Variants in MEF2C observed in about 807,000 individuals in gnomAD.
MEF2C encodes the protein myocyte-specific enhancer factor 2C.
Under a neutral mutation model 50.5 loss-of-function variants are expected in MEF2C, and 6 were observed. The ratio of observed to expected loss-of-function variants is 0.12; its 90% CI spans 0.07 to 0.23. The LOEUF (loss-of-function observed/expected upper bound fraction) is 0.23, where lower values mean the gene tolerates loss of function less well. Among genes scored for constraint, MEF2C ranks in the 10% least tolerant of loss-of-function variants. MEF2C has a pLI of 1.00. For synonymous variants in MEF2C, 183 were observed against 228.0 expected (o/e 0.80, Z 1.78); for missense variants, 276 against 605.0 (o/e 0.46, Z 5.70).
At chr5:88,746,714 C>T (rs1769860581) in intron 6 of MEF2C, 2 of 984,792 alleles carry the variant, frequency 2.0e-6, no homozygotes, top group African/African-American at 1.7e-5. Context: ...TATATTCAGC[C>T]TGACATATGA....
At chr5:88,760,880 T>C in intron 4 of MEF2C, 2 of 1,241,914 alleles carry the variant, frequency 1.6e-6, no homozygotes, top group South Asian at 1.6e-5. Context: ...GATGGCTATT[T>C]ATCTGTTTGA....
intron 2 of MEF2C, among the ~76,000 whole-genome samples, chr5:88,815,088 T>A (rs929156467): frequency 6.6e-6 from 1 of 152,126 alleles, no homozygotes; most frequent in African/African-American, 2.4e-5. Context: ...TTTCTCTGTA[T>A]CTCATCTACA....
At chr5:88,805,344 G>A (rs1260838439) in intron 2 of MEF2C, among the ~76,000 whole-genome samples, 1 of 152,176 alleles carries the variant, frequency 6.6e-6, no homozygotes, top group South Asian at 2.1e-4. Context: ...TGGGAAGTCC[G>A]TTAGCCATCA....
At chr5:88,843,221 T>G (rs1818000180) in intron 1 of MEF2C, 1 of 656,466 alleles carries the variant, frequency 1.5e-6, no homozygotes, top group South Asian at 6.8e-5. Context: ...TTTTTTTTTT[T>G]TTAATTCTAT....
chr5:88,734,178 G>T, intron 6 of MEF2C: 1 of 985,056 alleles, frequency 1.0e-6, no homozygotes. Flanking sequence ...GATTCTACGG[G>T]ATAAAAAGAG....
intron 3 of MEF2C, chr5:88,772,143 C>T (rs1440521920): frequency 1.3e-5 from 2 of 152,224 alleles, no homozygotes; most frequent in East Asian, 3.8e-4. Context: ...CAGTTGGGAT[C>T]TCCAGTTTAT....
chr5:88,825,085 C>T (rs551515913), intron 1 of MEF2C, among the ~76,000 whole-genome samples: 6 of 151,962 alleles, frequency 3.9e-5, no homozygotes, highest in South Asian at 2.1e-4. Flanking sequence ...TGTCTGACAA[C>T]GGACCTGATA....
intron 2 of MEF2C, among the ~76,000 whole-genome samples, chr5:88,806,546 C>T (rs930744251): frequency 2.0e-5 from 3 of 152,156 alleles, no homozygotes; most frequent in Non-Finnish European, 4.4e-5. Context: ...CACCCTCCCC[C>T]ACAACTAAAT....
At chr5:88,769,235 C>T (rs747976228) in intron 3 of MEF2C, among the ~76,000 whole-genome samples, 10 of 152,202 alleles carry the variant, frequency 6.6e-5, no homozygotes, top group Non-Finnish European at 1.2e-4. Flanking sequence ...GGGCAAAGTT[C>T]ATCATTTTCC....
intron 1 of MEF2C, among the ~76,000 whole-genome samples, chr5:88,830,635 T>G (rs1490341372): frequency 6.6e-6 from 1 of 152,086 alleles, no homozygotes; most frequent in African/African-American, 2.4e-5. Context: ...GTGAAGAACC[T>G]TGTGCTATCC....
chr5:88,893,170 A>G (rs933550508), intron 1 of MEF2C, among the ~76,000 whole-genome samples: 3 of 152,240 alleles, frequency 2.0e-5, no homozygotes, highest in Admixed American at 6.5e-5. Context: ...GTCAATAAAA[A>G]TTTTATATCT....
intron 2 of MEF2C, among the ~76,000 whole-genome samples, chr5:88,816,326 G>T (rs1399713257): frequency 3.9e-5 from 6 of 151,998 alleles, no homozygotes; most frequent in Non-Finnish European, 8.8e-5. Flanking sequence ...AGTAATATGT[G>T]TGGCACACTG....
At chr5:88,738,117 C>A in intron 6 of MEF2C, 1 of 985,306 alleles carries the variant, frequency 1.0e-6, no homozygotes, top group Non-Finnish European at 1.2e-6. Flanking sequence ...AATCTAGGTT[C>A]TACTCAAAAT....
chr5:88,742,028 T>C, intron 6 of MEF2C: 1 of 985,368 alleles, frequency 1.0e-6, no homozygotes, highest in African/African-American at 1.7e-5. Context: ...TGAAACATAC[T>C]ATGTAAGTGT....
At chr5:88,804,270 C>T (rs1799471009) in intron 3 of MEF2C, among the ~76,000 whole-genome samples, 1 of 152,126 alleles carries the variant, frequency 6.6e-6, no homozygotes, top group South Asian at 2.1e-4. Context: ...ATGAGCTATT[C>T]CCTGGCAAGA....
chr5:88,831,596 G>A (rs1323271240), intron 1 of MEF2C, among the ~76,000 whole-genome samples: 1 of 151,944 alleles, frequency 6.6e-6, no homozygotes. Context: ...TGTTATTTAA[G>A]TGGAATGTCA....
chr5:88,879,258 A>G lies in MEF2C; in HGVS notation c.-143+3697T>C, dbSNP rs377144349. The stretch of plus-strand genomic sequence containing the variant: ...AAAATTACTGTAAAGTTGGGTGTGT[A>G]AGAAGTTAAGATTTTCAAAATGTTA... On this transcript the variant is annotated intron_variant, in intron 1 of 10. Transcript: ENST00000504921. Among the ~76,000 whole-genome samples the G allele has an allele frequency of 5.5e-4, 84 of 151,950 alleles. No individual in the cohort carries two copies. In the South Asian group the frequency reaches 0.015, roughly 27 times the overall value.
intron 1 of MEF2C, 137 bp from the exon 2 acceptor site, chr5:88,824,067 A>C (rs1230254387): frequency 9.3e-6 from 9 of 963,650 alleles, no homozygotes; most frequent in Non-Finnish European, 1.2e-5. Context: ...TTTTTTGTTA[A>C]AAATATATGG....
chr5:88,883,933 A>G (rs953166685), upstream of MEF2C, among the ~76,000 whole-genome samples: 2 of 152,232 alleles, frequency 1.3e-5, no homozygotes, highest in African/African-American at 4.8e-5. Context: ...GCACTTTTAA[A>G]TGATAATTGC....
Sources: gnomAD v4.1 joint callset for allele counts (sites outside exome capture counted in the v4.1 genomes callset) on GRCh38, gnomAD v4.1.1 for gene constraint, MANE v1.5 for transcripts, NCBI Gene and HGNC (gene_info 2026-07-23, HGNC 2026-07-21) for gene names.